The following AP3B1 variants were observed in gnomAD, a reference collection of about 807,000 sequenced individuals.
AP3B1 encodes adaptor related protein complex 3 subunit beta 1.
A neutral mutation model predicts 132.5 loss-of-function variants in AP3B1; 61 were observed. The ratio of observed to expected loss-of-function variants is 0.46; its 90% CI spans 0.37 to 0.57. AP3B1 has a LOEUF of 0.57. Ranked by LOEUF, AP3B1 falls within the 20% of genes least tolerant of loss-of-function variation. The probability of loss-of-function intolerance (pLI) is 0.00; values close to 1 mark genes in which losing one functional copy is unlikely to be tolerated. For synonymous variants in AP3B1, 388 were observed against 438.3 expected, an observed-to-expected ratio of 0.89 and a Z score of 1.43; for missense variants, 1,120 against 1,289.4, an observed-to-expected ratio of 0.87 and a Z score of 2.01.
intron 8 of AP3B1, among the ~76,000 whole-genome samples, chr5:78,180,950 C>A (rs1432166615): frequency 1.3e-5 from 2 of 151,620 alleles, no homozygotes; most frequent in African/African-American, 4.8e-5. Context: ...ACAAAAAAAA[C>A]CTTATGACCC....
At chr5:78,074,711 G>A (rs374106962) in intron 22 of AP3B1, among the ~76,000 whole-genome samples, 177 of 152,274 alleles carry the variant, frequency 1.2e-3, no homozygotes, top group East Asian at 7.1e-3. Context: ...CACTTTGGGA[G>A]GCTGAGACAG....
intron 2 of AP3B1, among the ~76,000 whole-genome samples, chr5:78,249,454 A>G (rs1747534366): frequency 6.6e-6 from 1 of 152,140 alleles, no homozygotes; most frequent in African/African-American, 2.4e-5. Context: ...TTCCTACTCC[A>G]ATCTCTTTCT....
At chr5:78,211,398 T>C (rs1745730560) in intron 7 of AP3B1, among the ~76,000 whole-genome samples, 1 of 152,206 alleles carries the variant, frequency 6.6e-6, no homozygotes, top group African/African-American at 2.4e-5. Context: ...CATTTACATA[T>C]AAACAGCCTA....
At chr5:78,062,361 T>C (rs1291331541) in intron 22 of AP3B1, among the ~76,000 whole-genome samples, 1 of 152,246 alleles carries the variant, frequency 6.6e-6, no homozygotes, top group African/African-American at 2.4e-5. Flanking sequence ...GAGGTACTTA[T>C]AATTTCTCAT....
intron 13 of AP3B1, among the ~76,000 whole-genome samples, chr5:78,161,749 T>C (rs953845541): frequency 2.0e-5 from 3 of 152,026 alleles, no homozygotes; most frequent in African/African-American, 7.2e-5. Flanking sequence ...ATCTTGAGTT[T>C]ACAGGTACAA....
intron 1 of AP3B1, among the ~76,000 whole-genome samples, chr5:78,276,972 G>GA (rs35310912): frequency 0.23 from 33,875 of 148,628 alleles, 4,432 homozygotes; most frequent in Middle Eastern, 0.3. Context: ...AGAATGCTAG[G>GA]AAAAAAAAAC....
At chr5:78,018,279 G>C (rs1054305871) in intron 25 of AP3B1, among the ~76,000 whole-genome samples, 1 of 151,678 alleles carries the variant, frequency 6.6e-6, no homozygotes, top group Non-Finnish European at 1.5e-5. Context: ...TCAATACGTA[G>C]AATAATCTAA....
chr5:78,278,913 A>G (rs1748918431), intron 1 of AP3B1, among the ~76,000 whole-genome samples: 1 of 152,090 alleles, frequency 6.6e-6, no homozygotes, highest in African/African-American at 2.4e-5. Context: ...TCTGAGGTGG[A>G]ATAGTCTCAT....
chr5:78,166,163 ACACACACAC>A (rs1743620473), intron 11 of AP3B1, among the ~76,000 whole-genome samples: 6 of 108,866 alleles, frequency 5.5e-5, no homozygotes, highest in Non-Finnish European at 1.1e-4. Context: ...ACACACACAC[ACACACACAC>A]AAATCATATT....
chr5:78,143,936 C>T (rs1408300994), intron 14 of AP3B1, among the ~76,000 whole-genome samples: 1 of 151,880 alleles, frequency 6.6e-6, no homozygotes, highest in Non-Finnish European at 1.5e-5. Flanking sequence ...ACTCAGGAGG[C>T]AGAGGTTGCA....
At chr5:78,198,165 C>G (rs1450376430) in intron 7 of AP3B1, among the ~76,000 whole-genome samples, 1 of 152,134 alleles carries the variant, frequency 6.6e-6, no homozygotes. Flanking sequence ...TTCTGAATTC[C>G]AAGGCAGCCT....
intron 1 of AP3B1, among the ~76,000 whole-genome samples, chr5:78,278,392 G>T (rs905064672): frequency 3.6e-5 from 5 of 139,302 alleles, no homozygotes; most frequent in Admixed American, 3.5e-4. Flanking sequence ...GAGGTCAGGA[G>T]ATCGAGACCA....
chr5:78,231,483 T>G (rs897073468), intron 3 of AP3B1, among the ~76,000 whole-genome samples: 39 of 152,194 alleles, frequency 2.6e-4, no homozygotes, highest in African/African-American at 8.9e-4. Flanking sequence ...CTAAAATTTT[T>G]TAAAGGTGTA....
At chr5:78,190,381 T>C (rs1047138303) in intron 7 of AP3B1, among the ~76,000 whole-genome samples, 3 of 152,060 alleles carry the variant, frequency 2.0e-5, no homozygotes, top group African/African-American at 7.2e-5. Context: ...GAGAAAAAAT[T>C]GACAAGTGAA....
intron 2 of AP3B1, among the ~76,000 whole-genome samples, chr5:78,258,127 A>G (rs1468277935): frequency 6.6e-6 from 1 of 152,264 alleles, no homozygotes; most frequent in East Asian, 1.9e-4. Flanking sequence ...AATACCCCAC[A>G]AGCACAGGCA....
At position 78,129,275 on chromosome 5, in the gene AP3B1, G is replaced by A. The variant is rs17192146; in HGVS notation, c.1683C>T (p.Leu561=). 0.063 allele frequency: 101,848 copies of A among 1,612,396 alleles called. 3,689 individuals are homozygous for A. The highest frequency in any genetic ancestry group is 0.072 in the Non-Finnish European group (84,855 of 1,178,664). The change falls in exon 16 of 27, where the codon CTC becomes CTT. Residue 561 remains leucine (L), a synonymous_variant. Transcript: ENST00000255194. ...TGTCGTAGTTTTGATCATACTTGCC[G>A]AGATTTAATATGTACTGGGTAAGCA... ...TKLLTQYILN[L]GKYDQNYDIR...
chr5:78,086,797 C>T (rs988673414), intron 22 of AP3B1, among the ~76,000 whole-genome samples: 4 of 152,076 alleles, frequency 2.6e-5, no homozygotes, highest in Admixed American at 1.3e-4. Context: ...CGTTGGACAA[C>T]GTGCTTAAAA....
At chr5:78,147,474 A>T (rs1244750955) in intron 14 of AP3B1, among the ~76,000 whole-genome samples, 1 of 152,136 alleles carries the variant, frequency 6.6e-6, no homozygotes, top group Non-Finnish European at 1.5e-5. Context: ...AAGATGAGAA[A>T]TATTTGATTT....
chr5:78,233,744 T>A (rs1159099721), intron 3 of AP3B1, among the ~76,000 whole-genome samples: 2 of 152,150 alleles, frequency 1.3e-5, no homozygotes, highest in African/African-American at 4.8e-5. Flanking sequence ...GGTACAATTA[T>A]CTCCCTCTCA....
Sources: gnomAD v4.1 joint callset for allele counts (sites outside exome capture counted in the v4.1 genomes callset) on GRCh38, gnomAD v4.1.1 for gene constraint, MANE v1.5 for transcripts, NCBI Gene and HGNC (gene_info 2026-07-23, HGNC 2026-07-21) for gene names.